ACOX3: variants seen among roughly 807,000 people sequenced by gnomAD.
ACOX3 encodes acyl-CoA oxidase 3, pristanoyl.
In ACOX3, 73 loss-of-function variants were observed where a neutral mutation model predicts 81.5. That is an observed-to-expected ratio of 0.90 (90% confidence interval 0.74 to 1.09). The LOEUF is 1.09. ACOX3 is among the 50% of genes least tolerant of loss of function. The probability of loss-of-function intolerance (pLI) is 0.00; values close to 1 mark genes in which losing one functional copy is unlikely to be tolerated. For synonymous variants in ACOX3, 387 were observed against 375.1 expected (o/e 1.03, Z -0.37); for missense variants, 947 against 928.0 (o/e 1.02, Z -0.27).
chr4:8,428,665 G>A (rs973111619), intron 1 of ACOX3, among the ~76,000 whole-genome samples: 5 of 152,246 alleles, frequency 3.3e-5, no homozygotes, highest in African/African-American at 1.2e-4. Flanking sequence ...ACTCTGGCGA[G>A]TCGCTGCCCT....
chr4:8,397,324 G>C lies in ACOX3; in HGVS notation c.874-205C>G, dbSNP rs374094205. 1.1e-4 allele frequency among the ~76,000 whole-genome samples: 16 copies of C among 152,324 alleles called. No homozygotes were observed. In the East Asian group the frequency reaches 2.9e-3, roughly 28 times the overall value. On this transcript the variant is annotated intron_variant, in intron 8 of 17. Transcript: ENST00000356406. ...ACTGATGAACCGTGGATGGAATGGG[G>C]GTGCCAGGGAGGGGACACCCAGCTG...
At chr4:8,413,379 T>C (rs2631750) in intron 5 of ACOX3, among the ~76,000 whole-genome samples, 36,945 of 67,708 alleles carry the variant, frequency 0.55, 8,534 homozygotes, top group Middle Eastern at 0.61. Flanking sequence ...TCCACCCCTG[T>C]GCCCCTCCAC....
In ACOX3 at chr4:8,394,691, A is replaced by T. The variant is rs1487369756; in HGVS notation, c.1108T>A (p.Ser370Thr). 1 of 1,613,942 alleles carries T rather than the reference A, an allele frequency of 6.2e-7. No homozygotes were observed. The highest frequency in any genetic ancestry group is 1.7e-5 in the Admixed American group (1 of 60,024). ...ACCAGGTCCAGGAAGAGCGACTTGG[A>T]GAAATGGTCTAAGGCGTAGACAGCT... ...LAAVYALDHF[S>T]KSLFLDLVEL... Residue 370 changes from serine (S) to threonine (T), a missense_variant, in exon 10 of 18, where the codon TCC (serine) becomes ACC (threonine). Physicochemically the swap from Ser to Thr is moderately conservative, Grantham distance 58. Coordinates refer to ENST00000356406, the MANE Select transcript of ACOX3 (RefSeq NM_003501.3). This position sits in a 1 kb window ranked among gnomAD's most constrained non-coding sequence, Gnocchi z 5.9.
chr4:8,375,240 G>A (rs971528342), intron 14 of ACOX3, 88 bp from the exon 15 acceptor site: 1 of 1,327,748 alleles, frequency 7.5e-7, no homozygotes, highest in Non-Finnish European at 1.0e-6. Flanking sequence ...AAACACGAAC[G>A]CGGGTCTGCG....
intron 14 of ACOX3, among the ~76,000 whole-genome samples, chr4:8,375,479 T>G (rs1302095124): frequency 6.6e-6 from 1 of 152,198 alleles, no homozygotes; most frequent in Non-Finnish European, 1.5e-5. Flanking sequence ...CGGGATGCTC[T>G]GCGGCTACAG....
At chr4:8,374,930 G>T (rs1716729531) in intron 15 of ACOX3, 48 bp downstream of exon 15, 3 of 1,455,150 alleles carry the variant, frequency 2.1e-6, no homozygotes, top group African/African-American at 2.8e-5. Flanking sequence ...TACAACACGG[G>T]GGCCCTGACT....
In ACOX3 at chr4:8,368,124, CCGCACAGGT is replaced by C. The variant is rs1715703787; in HGVS notation, c.1984-1053_1984-1045del. Among the ~76,000 whole-genome samples the C allele has an allele frequency of 6.6e-6, 1 of 152,256 alleles. No individual in the cohort carries two copies. Among genetic ancestry groups the C allele is most frequent in the South Asian group, 2.1e-4 (1 of 4,836 alleles). ...CTCTCACACCCCAGGCCGCTACAGGCCGCACAGGTGGCACGTGGCCACCAGCAGCAGGAT... is the reference window on the plus strand; with the variant it reads ...CTCTCACACCCCAGGCCGCTACAGGCGGCACGTGGCCACCAGCAGCAGGAT... On this transcript the variant is annotated intron_variant, in intron 17 of 17. Coordinates refer to ENST00000356406, the MANE Select transcript of ACOX3 (RefSeq NM_003501.3). This position sits in a 1 kb window ranked among gnomAD's most constrained non-coding sequence, Gnocchi z 5.9.
chr4:8,378,930 C>T (rs1322487334), intron 14 of ACOX3, among the ~76,000 whole-genome samples: 1 of 152,186 alleles, frequency 6.6e-6, no homozygotes, highest in Non-Finnish European at 1.5e-5. Flanking sequence ...GCTGCCCAAG[C>T]CCAGCCTGAT....
chr4:8,434,270 T>TC (rs975283725), intron 1 of ACOX3, among the ~76,000 whole-genome samples: 1 of 152,228 alleles, frequency 6.6e-6, no homozygotes, highest in Admixed American at 6.5e-5. Context: ...AATTTCTTTT[T>TC]CGGGGGGCTC....
chr4:8,365,738 G>GGGTGGGT (rs1359140131), downstream of ACOX3, among the ~76,000 whole-genome samples: 25 of 144,720 alleles, frequency 1.7e-4, no homozygotes, highest in African/African-American at 6.6e-4. Flanking sequence ...AGCCCCAGAC[G>GGGTGGGT]GGTGGGATGT....
At chr4:8,428,154 G>A (rs1442975431) in intron 1 of ACOX3, among the ~76,000 whole-genome samples, 6 of 152,246 alleles carry the variant, frequency 3.9e-5, no homozygotes, top group African/African-American at 1.2e-4. Flanking sequence ...TGCCCAGCAC[G>A]TGGGCCACCG....
At chr4:8,374,897 G>A in intron 15 of ACOX3, 81 bp downstream of exon 15, 1 of 1,392,490 alleles carries the variant, frequency 7.2e-7, no homozygotes, top group South Asian at 1.6e-5. Flanking sequence ...GGAGGACGAT[G>A]GTGCAGGAAG....
chr4:8,369,730 C>G (rs1715919720), intron 17 of ACOX3, among the ~76,000 whole-genome samples: 1 of 152,258 alleles, frequency 6.6e-6, no homozygotes, highest in South Asian at 2.1e-4. Flanking sequence ...TCAGCATTCC[C>G]TGAGGACTGA....
At chr4:8,377,999 C>T (rs1717183752) in intron 14 of ACOX3, among the ~76,000 whole-genome samples, 1 of 152,174 alleles carries the variant, frequency 6.6e-6, no homozygotes. Context: ...TCTTCTGGAC[C>T]ACCTCAGCTG....
chr4:8,429,523 G>GT (rs2109038784), intron 1 of ACOX3, among the ~76,000 whole-genome samples: 1 of 152,318 alleles, frequency 6.6e-6, no homozygotes, highest in African/African-American at 2.4e-5. Context: ...GCTCGCCACA[G>GT]TATCTTATCA....
At chr4:8,357,892 C>T in the ACOX3 span, 2 of 156,502 alleles carry the variant, frequency 1.3e-5, no homozygotes, top group Admixed American at 1.2e-4. Flanking sequence ...GAGTGCATCC[C>T]CTTGCAGCCA....
Position 8,373,543 on chromosome 4 carries a change from A to G in ACOX3, c.1896+18T>C. On this transcript the variant is annotated intron_variant, in intron 16 of 17. Transcript: ENST00000356406. Reference sequence around the variant, plus strand: ...GTGTAACATGGATGTAGAGAACGCGACAGCACCCACGGCTCACCTGGGAAC... The same window carrying G: ...GTGTAACATGGATGTAGAGAACGCGGCAGCACCCACGGCTCACCTGGGAAC... The G allele has an allele frequency of 1.2e-6, 2 of 1,613,432 alleles. No homozygotes were observed. The highest frequency in any genetic ancestry group is 1.1e-5 in the South Asian group (1 of 91,042).
At chr4:8,408,808 T>C (rs62286043) in intron 6 of ACOX3, among the ~76,000 whole-genome samples, 4,100 of 147,664 alleles carry the variant, frequency 0.028, 70 homozygotes, top group South Asian at 0.042. Context: ...AATTAGGGGA[T>C]TGATCAGAGG....
chr4:8,414,579 C>T lies in ACOX3; in HGVS notation c.454-198G>A, dbSNP rs576228151. 5.3e-5 allele frequency among the ~76,000 whole-genome samples: 8 copies of T among 152,284 alleles called. No individual in the cohort carries two copies. The highest frequency in any genetic ancestry group is 1.7e-4 in the African/African-American group (7 of 41,546). ...CCACAGCAGCCTAAACCAAGCTGAC[C>T]GCAGCTGCTCCACGTCAGCAAGGTG... On this transcript the variant is annotated intron_variant, in intron 4 of 17. Transcript: ENST00000356406. This position sits in a 1 kb window ranked among gnomAD's most constrained non-coding sequence, Gnocchi z 6.1.
Sources: gnomAD v4.1 joint callset for allele counts (sites outside exome capture counted in the v4.1 genomes callset) on GRCh38, gnomAD v4.1.1 for gene constraint, Gnocchi (gnomAD v3.1) non-coding constraint, MANE v1.5 for transcripts, NCBI Gene and HGNC (gene_info 2026-07-23, HGNC 2026-07-21) for gene names.